Variants in APOBEC3G observed in about 807,000 individuals in gnomAD.
The protein encoded by APOBEC3G is apolipoprotein B mRNA editing enzyme catalytic subunit 3G, also known as DNA dC->dU-editing enzyme APOBEC-3G.
APOBEC3G carries 44 observed loss-of-function variants against 50.0 expected under a neutral mutation model. The ratio of observed to expected loss-of-function variants is 0.88; its 90% CI spans 0.69 to 1.13. The LOEUF (loss-of-function observed/expected upper bound fraction) is 1.13, where lower values mean the gene tolerates loss of function less well. Ranked by LOEUF, APOBEC3G falls within the 50% of genes most tolerant of loss-of-function variation. APOBEC3G has a pLI of 0.00. For synonymous variants in APOBEC3G, 156 were observed against 175.3 expected (o/e 0.89, Z 0.87); for missense variants, 469 against 492.0 (o/e 0.95, Z 0.44).
chr22:39,083,208 G>A (rs1478337734), intron 4 of APOBEC3G: 3 of 152,172 alleles, frequency 2.0e-5, no homozygotes, highest in African/African-American at 7.3e-5. Context: ...GGTATTTTTG[G>A]CAACAGAAGA....
intron 2 of APOBEC3G, 63 bp downstream of exon 2, chr22:39,079,148 G>A (rs1368903551): frequency 1.1e-5 from 18 of 1,572,776 alleles, no homozygotes; most frequent in East Asian, 4.5e-5. Flanking sequence ...AGCAAACCAC[G>A]CACTGATAAG....
At chr22:39,085,013 C>T (rs900185195) in intron 5 of APOBEC3G, among the ~76,000 whole-genome samples, 6 of 152,222 alleles carry the variant, frequency 3.9e-5, no homozygotes, top group Admixed American at 2.6e-4. Context: ...CACCGGTCCC[C>T]ATCACTGTCT....
chr22:39,079,130 G>C lies in APOBEC3G; in HGVS notation c.171+45G>C, dbSNP rs558163267. On this transcript the variant is annotated intron_variant, in intron 2 of 7. Transcript: ENST00000407997. ...CACTTTGCAGGCAGGAGCTAAGCCA[G>C]CTGGGAAAGCAAACCACGCACTGAT... The C allele has an allele frequency of 1.4e-5, 22 of 1,602,970 alleles. 1 individual carries two copies. The highest frequency in any genetic ancestry group is 1.7e-6 in the Non-Finnish European group (2 of 1,175,132).
chr22:39,079,049 A>C lies in APOBEC3G; in HGVS notation c.135A>C (p.Ser45=). Residue 45 remains serine (S), a synonymous_variant, in exon 2 of 8, where the codon TCA becomes TCC. Coordinates refer to ENST00000407997, the MANE Select transcript of APOBEC3G (RefSeq NM_021822.4). ...ACGAAGTGAAAACAAAGGGTCCCTCAAGGCCCCCTTTGGACGCAAAGATCT... is the reference window on the plus strand; with the variant it reads ...ACGAAGTGAAAACAAAGGGTCCCTCCAGGCCCCCTTTGGACGCAAAGATCT... ...LCYEVKTKGP[S]RPPLDAKIFR... The C allele has an allele frequency of 6.2e-7, 1 of 1,614,174 alleles. No homozygotes were observed. Among genetic ancestry groups the C allele is most frequent in the Non-Finnish European group, 8.5e-7 (1 of 1,180,012 alleles).
intron 2 of APOBEC3G, 171 bp from the exon 3 acceptor site, chr22:39,080,762 A>T: frequency 1.5e-6 from 1 of 649,818 alleles, no homozygotes; most frequent in Non-Finnish European, 2.7e-6. Flanking sequence ...TTAATACTGA[A>T]CATGAGCTTT....
chr22:39,077,086 T>C (rs1928182899), upstream of APOBEC3G: 1 of 589,032 alleles, frequency 1.7e-6, no homozygotes, highest in Non-Finnish European at 3.0e-6. Flanking sequence ...TGCAATTGCC[T>C]TGGGTCCTGC....
At chr22:39,079,253 G>A (rs1005128183) in intron 2 of APOBEC3G, 168 bp downstream of exon 2, 41 of 937,082 alleles carry the variant, frequency 4.4e-5, no homozygotes, top group Non-Finnish European at 5.6e-5. Context: ...TCCTGGGATC[G>A]GATCGTGGAG....
chr22:39,078,881 G>C (rs1483988567), intron 1 of APOBEC3G, 51 bp from the exon 2 acceptor site: 4 of 1,606,278 alleles, frequency 2.5e-6, no homozygotes, highest in Admixed American at 1.7e-5. Context: ...CAGCCCGGAG[G>C]GCCCCCAGGA....
chr22:39,077,187 T>C (rs1041651159), upstream of APOBEC3G: 82 of 1,002,590 alleles, frequency 8.2e-5, no homozygotes, highest in Non-Finnish European at 1.1e-4. Context: ...CTGAGGAAGA[T>C]AAAGCGTCCC....
chr22:39,084,186 G>A (rs1029233839), intron 5 of APOBEC3G, among the ~76,000 whole-genome samples: 1 of 152,160 alleles, frequency 6.6e-6, no homozygotes, highest in Non-Finnish European at 1.5e-5. Flanking sequence ...CTCTGAGAGG[G>A]TCAGGGCAGA....
chr22:39,086,402 C>T lies in APOBEC3G; in HGVS notation c.859C>T (p.Pro287Ser). Residue 287 changes from proline (P) to serine (S), a missense_variant, in exon 6 of 8, where the codon CCC (proline) becomes TCC (serine). Physicochemically the swap from Pro to Ser is moderately conservative, Grantham distance 74. Coordinates refer to ENST00000407997, the MANE Select transcript of APOBEC3G (RefSeq NM_021822.4). ...GGTTACCTGCTTCACCTCCTGGAGCCCCTGCTTCAGCTGTGCCCAGGAAAT... is the reference window on the plus strand; with the variant it reads ...GGTTACCTGCTTCACCTCCTGGAGCTCCTGCTTCAGCTGTGCCCAGGAAAT... The part of the protein sequence containing the change: ...YRVTCFTSWS[P>S]CFSCAQEMAK... 1 of 1,614,184 alleles carries T rather than the reference C, an allele frequency of 6.2e-7. No individual in the cohort carries two copies. The highest frequency in any genetic ancestry group is 2.2e-5 in the East Asian group (1 of 44,890).
intron 1 of APOBEC3G, chr22:39,078,722 T>C (rs772336022): frequency 2.2e-4 from 134 of 602,474 alleles, no homozygotes; most frequent in Non-Finnish European, 3.2e-4. Flanking sequence ...CTCTCTCTCT[T>C]TTTTTTTGAG....
intron 5 of APOBEC3G, 129 bp from the exon 6 acceptor site, chr22:39,086,150 C>T (rs1928678962): frequency 7.4e-6 from 8 of 1,081,078 alleles, no homozygotes; most frequent in Non-Finnish European, 1.0e-5. Context: ...ACTAGAAATA[C>T]AAAATTAGCC....
intron 5 of APOBEC3G, among the ~76,000 whole-genome samples, chr22:39,085,349 G>T (rs896130223): frequency 6.6e-6 from 1 of 152,156 alleles, no homozygotes; most frequent in Non-Finnish European, 1.5e-5. Flanking sequence ...AGAATTATAG[G>T]TCACAGAAGG....
intron 4 of APOBEC3G, 35 bp downstream of exon 4, chr22:39,081,620 C>G (rs753322357): frequency 5.2e-6 from 8 of 1,529,380 alleles, no homozygotes; most frequent in Non-Finnish European, 7.2e-6. Flanking sequence ...CGCCTCGCTC[C>G]TCTCACCTCC....
intron 6 of APOBEC3G, 36 bp downstream of exon 6, chr22:39,086,603 C>A: frequency 6.4e-7 from 1 of 1,561,130 alleles, no homozygotes; most frequent in East Asian, 2.3e-5. Flanking sequence ...TGGGGTCAGC[C>A]AGGGCAGGAG....
intron 5 of APOBEC3G, among the ~76,000 whole-genome samples, chr22:39,085,694 C>G (rs1470165258): frequency 1.3e-5 from 2 of 151,712 alleles, no homozygotes; most frequent in South Asian, 2.1e-4. Flanking sequence ...CAAGACAAGC[C>G]TGGCCAATAT....
At position 39,081,155 on chromosome 22, in the gene APOBEC3G, C is replaced by T. The variant is rs148497423; in HGVS notation, c.394C>T (p.Gln132Ter). The change falls in exon 3 of 8, where the codon CAG becomes TAG. Residue 132 changes from glutamine (Q) to a stop codon, truncating the protein, a stop_gained. Transcript: ENST00000407997. LOFTEE classifies it high-confidence loss of function. ...CTACTACTTCTGGGACCCAGATTACCAGGAGGCGCTTCGCAGCCTGTGTCA... is the reference window on the plus strand; with the variant it reads ...CTACTACTTCTGGGACCCAGATTACTAGGAGGCGCTTCGCAGCCTGTGTCA... Reference protein sequence around the residue: ...RLYYFWDPDYQEALRSLCQKR... With the variant: ...RLYYFWDPDY The T allele has an allele frequency of 3.3e-4, 538 of 1,614,248 alleles. No homozygotes were observed. Among genetic ancestry groups the T allele is most frequent in the Non-Finnish European group, 4.3e-4 (506 of 1,180,056 alleles).
At chr22:39,083,705 C>A (rs1187447690) in intron 4 of APOBEC3G, 26 bp from the exon 5 acceptor site, 1 of 1,611,608 alleles carries the variant, frequency 6.2e-7, no homozygotes, top group South Asian at 1.1e-5. Flanking sequence ...GCTCTTACTC[C>A]TCTGGGCTTT....
Sources: allele counts gnomAD v4.1 joint callset (sites outside exome capture counted in the v4.1 genomes callset), GRCh38; gene constraint gnomAD v4.1.1; transcripts MANE v1.5; gene names NCBI Gene and HGNC (gene_info 2026-07-23, HGNC 2026-07-21).